The following TRHDE variants were observed in gnomAD, a reference collection of about 807,000 sequenced individuals.
TRHDE encodes the protein thyrotropin-releasing hormone-degrading ectoenzyme.
In TRHDE, 72 loss-of-function variants were observed where a neutral mutation model predicts 125.7. That is an observed-to-expected ratio of 0.57 (90% CI 0.47 to 0.70). The LOEUF is 0.70. Among genes scored for constraint, TRHDE ranks in the 30% least tolerant of loss-of-function variants. The pLI is 0.00. For synonymous variants in TRHDE, 509 were observed against 509.1 expected (o/e 1.00, Z 0.00); for missense variants, 1,110 against 1,327.1 (o/e 0.84, Z 2.54).
chr12:72,156,469 C>A (rs1876514669), intron 2 of TRHDE, among the ~76,000 whole-genome samples: 1 of 152,278 alleles, frequency 6.6e-6, no homozygotes, highest in Middle Eastern at 3.4e-3. Context: ...GCAGAAATCA[C>A]CCGTCTTCTG....
chr12:72,564,628 T>C (rs1380400118), intron 9 of TRHDE, among the ~76,000 whole-genome samples: 1 of 149,070 alleles, frequency 6.7e-6, no homozygotes, highest in African/African-American at 2.4e-5. Flanking sequence ...GTTTGTCTTC[T>C]GGAATTATAA....
intron 2 of TRHDE, chr12:72,186,099 G>C (rs748793842): frequency 1.3e-5 from 2 of 152,434 alleles, no homozygotes; most frequent in Non-Finnish European, 2.9e-5. Context: ...ACCAGTTGGG[G>C]TCCCCTTCCA....
At chr12:72,250,837 G>GATATATATATATATAT (rs376713479) in intron 2 of TRHDE, among the ~76,000 whole-genome samples, 3,515 of 117,422 alleles carry the variant, frequency 0.03, 97 homozygotes, top group Non-Finnish European at 0.033. Context: ...ATGACTTACA[G>GATATATATATATATAT]ATATATATAT....
At chr12:72,353,255 G>A (rs1223573305) in intron 2 of TRHDE, among the ~76,000 whole-genome samples, 2 of 151,676 alleles carry the variant, frequency 1.3e-5, no homozygotes, top group Non-Finnish European at 3.0e-5. Flanking sequence ...CAAAACTGAA[G>A]TGTTTAATCT....
At chr12:72,591,805 A>AT (rs1212433803) in intron 12 of TRHDE, among the ~76,000 whole-genome samples, 3 of 151,004 alleles carry the variant, frequency 2.0e-5, no homozygotes, top group Admixed American at 6.6e-5. Context: ...CACTTTAAAC[A>AT]TTTTTTTTCA....
chr12:72,518,656 A>T (rs1337350829), intron 6 of TRHDE, among the ~76,000 whole-genome samples: 1 of 151,848 alleles, frequency 6.6e-6, no homozygotes, highest in Non-Finnish European at 1.5e-5. Flanking sequence ...TTTAAAGTTA[A>T]TATTGTTATG....
intron 1 of TRHDE, among the ~76,000 whole-genome samples, chr12:72,280,451 G>C (rs537630196): frequency 6.6e-6 from 1 of 152,144 alleles, no homozygotes; most frequent in East Asian, 1.9e-4. Context: ...AATGGTCACC[G>C]TGGACATCCC....
intron 17 of TRHDE, among the ~76,000 whole-genome samples, chr12:72,655,979 T>C (rs1227786126): frequency 6.6e-6 from 1 of 152,176 alleles, no homozygotes; most frequent in Non-Finnish European, 1.5e-5. Flanking sequence ...AAATTAAATC[T>C]TAAATTAGAT....
intron 2 of TRHDE, among the ~76,000 whole-genome samples, chr12:72,221,751 T>C (rs1236844915): frequency 1.3e-5 from 2 of 152,110 alleles, no homozygotes; most frequent in African/African-American, 2.4e-5. Context: ...CAAATTTAGG[T>C]CACCAGAATA....
upstream of TRHDE, among the ~76,000 whole-genome samples, chr12:72,270,501 T>A (rs988044900): frequency 6.6e-6 from 1 of 152,200 alleles, no homozygotes; most frequent in Non-Finnish European, 1.5e-5. Flanking sequence ...AACACAATAT[T>A]TTAATTGTCT....
intron 2 of TRHDE, among the ~76,000 whole-genome samples, chr12:72,262,349 C>T (rs1305010961): frequency 6.6e-6 from 1 of 152,072 alleles, no homozygotes; most frequent in East Asian, 1.9e-4. Flanking sequence ...TAAAAGGAAA[C>T]TCCTATAGAA....
At chr12:72,558,678 C>T (rs1870033819) in intron 7 of TRHDE, among the ~76,000 whole-genome samples, 2 of 152,012 alleles carry the variant, frequency 1.3e-5, no homozygotes, top group African/African-American at 2.4e-5. Context: ...GTAGAGTAGA[C>T]AAACAGGTAA....
At chr12:72,396,705 C>T (rs1223771659) in intron 3 of TRHDE, among the ~76,000 whole-genome samples, 4 of 152,092 alleles carry the variant, frequency 2.6e-5, no homozygotes, top group Non-Finnish European at 5.9e-5. Context: ...GATTGCGCTG[C>T]TACACTCTAG....
chr12:72,308,636 A>C (rs1408391744), intron 2 of TRHDE, among the ~76,000 whole-genome samples: 1 of 152,196 alleles, frequency 6.6e-6, no homozygotes, highest in East Asian at 1.9e-4. Flanking sequence ...AGTAGCTGTA[A>C]AAATGCTTTT....
chr12:72,628,168 C>A (rs1159119759), intron 15 of TRHDE, among the ~76,000 whole-genome samples: 1 of 151,840 alleles, frequency 6.6e-6, no homozygotes, highest in African/African-American at 2.4e-5. Flanking sequence ...ACCTTACAAT[C>A]TAATGGGGTA....
intron 6 of TRHDE, among the ~76,000 whole-genome samples, chr12:72,501,645 T>C (rs932581192): frequency 5.3e-5 from 8 of 152,138 alleles, no homozygotes; most frequent in Non-Finnish European, 1.2e-4. Flanking sequence ...TATTAGTATG[T>C]AATTTTCTTT....
intron 2 of TRHDE, chr12:72,258,322 G>C (rs1181156890): frequency 2.0e-5 from 3 of 152,136 alleles, no homozygotes; most frequent in Non-Finnish European, 2.9e-5. Context: ...GGCAAAGCTG[G>C]TGCCTACAGG....
At chr12:72,245,959 G>A (rs1208579650) in intron 2 of TRHDE, among the ~76,000 whole-genome samples, 2 of 152,020 alleles carry the variant, frequency 1.3e-5, no homozygotes, top group Non-Finnish European at 2.9e-5. Context: ...CTACAACAAT[G>A]TACAAAGTAC....
chr12:72,291,351 T>C (rs978494312), intron 2 of TRHDE, among the ~76,000 whole-genome samples: 7 of 152,250 alleles, frequency 4.6e-5, no homozygotes, highest in Admixed American at 2.0e-4. Flanking sequence ...GCAGCAATTC[T>C]GAAACCCAAC....
Sources: gnomAD v4.1 joint callset for allele counts (sites outside exome capture counted in the v4.1 genomes callset) on GRCh38, gnomAD v4.1.1 for gene constraint, MANE v1.5 for transcripts, NCBI Gene and HGNC (gene_info 2026-07-23, HGNC 2026-07-21) for gene names.